The following CORO2A variants were observed in gnomAD, a reference collection of about 807,000 sequenced individuals.
CORO2A encodes coronin-2A.
A neutral mutation model predicts 62.4 loss-of-function variants in CORO2A; 47 were observed. The observed-to-expected ratio is 0.75, with a 90% confidence interval of 0.60 to 0.96. CORO2A has a LOEUF of 0.96. Among genes scored for constraint, CORO2A ranks in the 40% least tolerant of loss-of-function variants. The pLI, the probability that CORO2A is intolerant of heterozygous loss-of-function variation, is 0.00. For synonymous variants in CORO2A, 273 were observed against 268.9 expected (o/e 1.02, Z -0.15); for missense variants, 610 against 684.1 (o/e 0.89, Z 1.21).
chr9:98,148,013 G>C (rs1423356839), intron 2 of CORO2A, among the ~76,000 whole-genome samples: 1 of 151,690 alleles, frequency 6.6e-6, no homozygotes, highest in African/African-American at 2.4e-5. Context: ...TTGGGAGGCT[G>C]AGGCAAGAGG....
chr9:98,164,494 T>C (rs10818540), intron 1 of CORO2A, among the ~76,000 whole-genome samples: 14,790 of 152,296 alleles, frequency 0.097, 979 homozygotes, highest in East Asian at 0.31. Flanking sequence ...GCCACCCTGC[T>C]GCCAACCTAG....
intron 2 of CORO2A, among the ~76,000 whole-genome samples, chr9:98,142,276 G>A (rs1240998527): frequency 6.6e-6 from 1 of 152,356 alleles, no homozygotes; most frequent in East Asian, 1.9e-4. Context: ...CCAGCATGGA[G>A]TAGGGACTTG....
At chr9:98,143,322 A>T (rs1369562629) in intron 2 of CORO2A, among the ~76,000 whole-genome samples, 1 of 152,216 alleles carries the variant, frequency 6.6e-6, no homozygotes, top group Non-Finnish European at 1.5e-5. Context: ...GGCCACTGTC[A>T]CGACCCTCAG....
chr9:98,138,978 C>G (rs1827530088), intron 2 of CORO2A, among the ~76,000 whole-genome samples: 1 of 148,106 alleles, frequency 6.8e-6, no homozygotes, highest in Admixed American at 6.8e-5. Context: ...ACCCAGGAGG[C>G]AGAGGTTGCA....
chr9:98,140,299 C>T (rs1827547703), intron 2 of CORO2A, among the ~76,000 whole-genome samples: 2 of 152,208 alleles, frequency 1.3e-5, no homozygotes, highest in East Asian at 3.8e-4. Context: ...GCAAGGTGAA[C>T]ACTCAACATA....
rs1050247588 is a variant in CORO2A at position 98,170,844 on chromosome 9, C to T, written c.1-13184G>A. ...TATCCATATAATAGTAACAGCCCTG[C>T]CCTGCCCACCTGTTAGGACGGTCTG... On this transcript the variant is annotated intron_variant, in intron 1 of 11. Coordinates refer to ENST00000375077, the MANE Select transcript of CORO2A (RefSeq NM_052820.4). Among the ~76,000 whole-genome samples, 105 of 152,274 alleles carry T rather than the reference C, an allele frequency of 6.9e-4. 1 individual carries two copies. The highest frequency in any genetic ancestry group is 2.3e-3 in the African/African-American group (95 of 41,562).
chr9:98,192,617 C>G lies in CORO2A; in HGVS notation c.-59G>C, dbSNP rs1466887396. The stretch of plus-strand genomic sequence containing the variant: ...GGCGGCGTCCAGCTCCGGCTCCGCG[C>G]TCCTCGCCGCCCGCCGACTCCCGGC... On this transcript the variant is annotated 5_prime_UTR_variant, in exon 1 of 12. Coordinates refer to ENST00000375077, the MANE Select transcript of CORO2A (RefSeq NM_052820.4). 1 of 150,188 alleles carries G rather than the reference C, an allele frequency of 6.7e-6. No homozygotes were observed. The highest frequency in any genetic ancestry group is 2.1e-4 in the South Asian group (1 of 4,830). 9.3% of individuals were successfully genotyped at this position (150,188 alleles called of 1,614,324 possible).
chr9:98,134,939 A>G lies in CORO2A; in HGVS notation c.335T>C (p.Ile112Thr), dbSNP rs1205914205. The change falls in exon 4 of 12, where the codon ATC (isoleucine) becomes ACC (threonine). Residue 112 changes from isoleucine (I) to threonine (T), a missense_variant. Physicochemically the swap from Ile to Thr is moderately conservative, Grantham distance 89. Transcript: ENST00000375077. ...GTTCCTGGTCAGCAGCTGCTTGGGG[A>G]TGCTCCAGATCTTAATCTGGCAGGG... ...SEDATIKIWS[I>T]PKQLLTRNLT... 1 of 1,614,020 alleles carries G rather than the reference A, an allele frequency of 6.2e-7. No homozygotes were observed. Among genetic ancestry groups the G allele is most frequent in the Non-Finnish European group, 8.5e-7 (1 of 1,179,968 alleles).
At chr9:98,138,689 T>C (rs1827523223) in intron 2 of CORO2A, among the ~76,000 whole-genome samples, 1 of 152,206 alleles carries the variant, frequency 6.6e-6, no homozygotes, top group African/African-American at 2.4e-5. Flanking sequence ...TGTGGTTTCA[T>C]TGCCTGAGCA....
At chr9:98,161,294 C>T (rs550394038) in intron 1 of CORO2A, among the ~76,000 whole-genome samples, 1 of 152,224 alleles carries the variant, frequency 6.6e-6, no homozygotes, top group East Asian at 1.9e-4. Flanking sequence ...TGGCTCACAC[C>T]TGTAATCCCA....
At chr9:98,127,366 G>A (rs1003809804) in intron 10 of CORO2A, among the ~76,000 whole-genome samples, 3 of 152,222 alleles carry the variant, frequency 2.0e-5, no homozygotes, top group Non-Finnish European at 4.4e-5. Flanking sequence ...AAGGAAGTTT[G>A]TGGGGGTGGA....
intron 2 of CORO2A, among the ~76,000 whole-genome samples, chr9:98,144,512 G>C (rs193165322): frequency 7.9e-5 from 12 of 152,334 alleles, no homozygotes; most frequent in Admixed American, 6.5e-4. Context: ...CTGCATGCAG[G>C]TGATGGCAGA....
rs561353895 is a variant in CORO2A at position 98,187,534 on chromosome 9, C to A, written c.-1+5025G>T. Among the ~76,000 whole-genome samples the A allele has an allele frequency of 9.9e-5, 15 of 151,962 alleles. No homozygotes were observed. In the South Asian group the frequency reaches 3.1e-3, roughly 32 times the overall value. On this transcript the variant is annotated intron_variant, in intron 1 of 11. Coordinates refer to ENST00000375077, the MANE Select transcript of CORO2A (RefSeq NM_052820.4). ...TCTCACAGTTCAGGAGGATGGAAGTCCAAGACTAAGACAGCAGATTTGGAG... is the reference window on the plus strand; with the variant it reads ...TCTCACAGTTCAGGAGGATGGAAGTACAAGACTAAGACAGCAGATTTGGAG...
At chr9:98,126,034 CTTTTTTTTTTT>C (rs11334821) in intron 11 of CORO2A, among the ~76,000 whole-genome samples, 1 of 113,286 alleles carries the variant, frequency 8.8e-6, no homozygotes, top group African/African-American at 3.4e-5. Flanking sequence ...TCCCCACCAT[CTTTTTTTTTTT>C]TTTTTTTTAA....
In CORO2A at chr9:98,130,935, C is replaced by T. The variant is rs201054591; in HGVS notation, c.870+20G>A. Reference sequence around the variant, plus strand: ...GTCTCAGGGGTCCAGGAGGTCACCTCCCTCCCGTGCCAAGCCGACCTTCCC... The same window carrying T: ...GTCTCAGGGGTCCAGGAGGTCACCTTCCTCCCGTGCCAAGCCGACCTTCCC... On this transcript the variant is annotated intron_variant, in intron 7 of 11. Transcript: ENST00000375077. 1.5e-4 allele frequency: 247 copies of T among 1,596,478 alleles called. No individual in the cohort carries two copies. The highest frequency in any genetic ancestry group is 2.0e-4 in the Non-Finnish European group (228 of 1,166,138).
chr9:98,135,444 G>A (rs1827472765), intron 3 of CORO2A, among the ~76,000 whole-genome samples: 1 of 152,192 alleles, frequency 6.6e-6, no homozygotes, highest in African/African-American at 2.4e-5. Context: ...TTGCTTTGGA[G>A]GTGCACCCTG....
In CORO2A at chr9:98,153,661, C is replaced by CAT. The variant is rs965322565; in HGVS notation, c.201+3798_201+3799insAT. Among the ~76,000 whole-genome samples, 12 of 150,198 alleles carry CAT rather than the reference C, an allele frequency of 8.0e-5. No homozygotes were observed. In the East Asian group the frequency reaches 2.1e-3, roughly 26 times the overall value. Reference sequence around the variant, plus strand: ...TTCTCTGTTTCCAAACACACACACACACACACACACACACACACACACACA... The same window carrying CAT: ...TTCTCTGTTTCCAAACACACACACACATACACACACACACACACACACACACA... On this transcript the variant is annotated intron_variant, in intron 2 of 11. Coordinates refer to ENST00000375077, the MANE Select transcript of CORO2A (RefSeq NM_052820.4).
rs1827271747 is a variant in CORO2A at position 98,123,554 on chromosome 9, C to G, written c.*1220G>C. 3.3e-5 allele frequency: 5 copies of G among 149,496 alleles called. No homozygotes were observed. Among genetic ancestry groups the G allele is most frequent in the Admixed American group, 3.3e-4 (5 of 14,992 alleles). The allele number at this position is 149,496 out of a possible 1,614,324, so 9.3% of individuals were successfully genotyped here. The stretch of plus-strand genomic sequence containing the variant: ...TCTGTCACCCAGGCTGCAGTGCAGT[C>G]CGCAATCGTGGCTCATAGCAACCTC... On this transcript the variant is annotated 3_prime_UTR_variant, in exon 12 of 12. Transcript: ENST00000375077.
At chr9:98,132,599 T>C (rs1046554425) in intron 5 of CORO2A, among the ~76,000 whole-genome samples, 1 of 152,216 alleles carries the variant, frequency 6.6e-6, no homozygotes, top group Non-Finnish European at 1.5e-5. Flanking sequence ...GGGCGGGCAC[T>C]GTCACCTGGC....
Sources: gnomAD v4.1 joint callset for allele counts (sites outside exome capture counted in the v4.1 genomes callset) on GRCh38, gnomAD v4.1.1 for gene constraint, MANE v1.5 for transcripts, NCBI Gene and HGNC (gene_info 2026-07-23, HGNC 2026-07-21) for gene names.